The following FAM221A variants were observed in gnomAD, a reference collection of about 807,000 sequenced individuals.
FAM221A encodes protein FAM221A.
In FAM221A, 43 loss-of-function variants were observed where a neutral mutation model predicts 37.6. That is an observed-to-expected ratio of 1.15 (90% confidence interval 0.90 to 1.48). The LOEUF is 1.48. Among genes scored for constraint, FAM221A ranks in the 40% most tolerant of loss-of-function variants. The probability of loss-of-function intolerance (pLI) is 0.00; values close to 1 mark genes in which losing one functional copy is unlikely to be tolerated. For missense variants in FAM221A, 361 were observed against 361.5 expected (o/e 1.00, Z 0.01); for synonymous variants, 135 against 132.9 (o/e 1.02, Z -0.11).
At chr7:23,682,371 A>ATGTGTG (rs10533703) in intron 1 of FAM221A, among the ~76,000 whole-genome samples, 80 of 138,126 alleles carry the variant, frequency 5.8e-4, no homozygotes, top group African/African-American at 2.2e-3. Context: ...TGGCTTTATC[A>ATGTGTG]TGTGTGTGTG....
Position 23,702,301 on chromosome 7 carries a change from A to C in FAM221A, c.*137A>C. The C allele has an allele frequency of 2.1e-6, 1 of 479,486 alleles. No individual in the cohort carries two copies. Among genetic ancestry groups the C allele is most frequent in the Admixed American group, 4.2e-5 (1 of 23,808 alleles). 29.7% of individuals were successfully genotyped at this position (479,486 alleles called of 1,614,324 possible). The stretch of plus-strand genomic sequence containing the variant: ...AAATGTCTTTTGGGATGTTTCCTTA[A>C]TTTATTTAAATAACTAAAAATGCCT... On this transcript the variant is annotated 3_prime_UTR_variant, in exon 7 of 7. Coordinates refer to ENST00000344962, the MANE Select transcript of FAM221A (RefSeq NM_199136.5).
chr7:23,681,787 A>C (rs1286385033), intron 1 of FAM221A, among the ~76,000 whole-genome samples: 2 of 152,208 alleles, frequency 1.3e-5, no homozygotes, highest in Non-Finnish European at 2.9e-5. Flanking sequence ...CTGACGTCAG[A>C]ATTTTAGAAA....
chr7:23,684,578 C>T lies in FAM221A; in HGVS notation c.145C>T (p.Arg49Cys), dbSNP rs139023569. The T allele has an allele frequency of 9.1e-5, 147 of 1,613,868 alleles. No individual in the cohort carries two copies. Among genetic ancestry groups the T allele is most frequent in the Middle Eastern group, 1.6e-4 (1 of 6,084 alleles). ...EEYKRKVLPL[R>C]LQNRLFVSWR... Reference sequence around the variant, plus strand: ...ATACAAAAGAAAAGTTTTACCTCTGCGCTTACAAAACAGATTATTTGTGAG... The same window carrying T: ...ATACAAAAGAAAAGTTTTACCTCTGTGCTTACAAAACAGATTATTTGTGAG... Residue 49 changes from arginine (R) to cysteine (C), a missense_variant, in exon 2 of 7, where the codon CGC (arginine) becomes TGC (cysteine). Physicochemically the swap from Arg to Cys is radical, Grantham distance 180. Transcript: ENST00000344962.
intron 4 of FAM221A, chr7:23,692,731 C>T: frequency 1.0e-6 from 1 of 982,096 alleles, no homozygotes; most frequent in South Asian, 4.7e-5. Flanking sequence ...CCCTTGAATA[C>T]TTCTCTTTGT....
At chr7:23,698,129 G>T in intron 4 of FAM221A, 63 bp from the exon 5 acceptor site, 1 of 876,516 alleles carries the variant, frequency 1.1e-6, no homozygotes, top group Non-Finnish European at 1.9e-6. Context: ...TACATTAGAA[G>T]TAATAACTTG....
At chr7:23,690,199 A>ATATATATATTTTT (rs774313037) in intron 3 of FAM221A, among the ~76,000 whole-genome samples, 115 of 48,720 alleles carry the variant, frequency 2.4e-3, no homozygotes, top group Non-Finnish European at 3.5e-3. Context: ...ATATATATAT[A>ATATATATATTTTT]TTTTTTTTTT....
Position 23,689,475 on chromosome 7 carries a change from A to G in FAM221A, c.430+16A>G. On this transcript the variant is annotated intron_variant, in intron 3 of 6. Coordinates refer to ENST00000344962, the MANE Select transcript of FAM221A (RefSeq NM_199136.5). ...TGCAATACATGTGAGTTATATTATT[A>G]TAAACACATAAACTCAGAATGTTTA... The G allele has an allele frequency of 1.3e-6, 2 of 1,497,594 alleles. No individual in the cohort carries two copies. 92.8% of individuals were successfully genotyped at this position (1,497,594 alleles called of 1,614,324 possible). A position where few individuals can be genotyped will look rare whatever the true frequency, so the allele number is the denominator to read the frequency against.
chr7:23,694,095 TA>T (rs1205678245), intron 4 of FAM221A: 1 of 152,204 alleles, frequency 6.6e-6, no homozygotes, highest in Non-Finnish European at 1.5e-5. Flanking sequence ...ATGCAGTGTT[TA>T]GTTTTCTGTT....
chr7:23,690,201 T>TATATATATA (rs1562522045), intron 3 of FAM221A, among the ~76,000 whole-genome samples: 11 of 38,504 alleles, frequency 2.9e-4, no homozygotes, highest in South Asian at 1.7e-3. Flanking sequence ...ATATATATAT[T>TATATATATA]TTTTTTTTTT....
intron 4 of FAM221A, among the ~76,000 whole-genome samples, chr7:23,697,402 T>G (rs912531340): frequency 6.6e-6 from 1 of 152,244 alleles, no homozygotes; most frequent in Admixed American, 6.5e-5. Context: ...TTCCTTCCTT[T>G]TGGTCCAAAA....
chr7:23,700,807 CTTCA>C lies in FAM221A; in HGVS notation c.770_773del (p.Ser257Ter). On this transcript the variant is annotated frameshift_variant, in exon 6 of 7. Coordinates refer to ENST00000344962, the MANE Select transcript of FAM221A (RefSeq NM_199136.5). LOFTEE classifies it high-confidence loss of function. ...TTAGTAGGTACAAGTAGTCAAGTTT[CTTCA>C]TTAAGGAGACCTGAAGAGGATGATA... The C allele has an allele frequency of 6.2e-7, 1 of 1,604,718 alleles. No individual in the cohort carries two copies. The highest frequency in any genetic ancestry group is 1.3e-5 in the African/African-American group (1 of 74,640).
intron 2 of FAM221A, chr7:23,687,654 T>C (rs1784447256): frequency 6.7e-6 from 1 of 150,192 alleles, no homozygotes; most frequent in African/African-American, 2.4e-5. Flanking sequence ...TTTTTTTTTT[T>C]TTTTTTTTGA....
intron 1 of FAM221A, among the ~76,000 whole-genome samples, chr7:23,682,436 A>ATTT (rs1255822217): frequency 5.3e-5 from 4 of 75,616 alleles, no homozygotes; most frequent in South Asian, 5.8e-4. Flanking sequence ...TATTATTATT[A>ATTT]TTATTTTTTT....
intron 4 of FAM221A, chr7:23,692,386 G>C (rs1784804170): frequency 6.5e-6 from 2 of 308,566 alleles, no homozygotes; most frequent in African/African-American, 2.3e-5. Context: ...TTCTTGCCCA[G>C]GCTGGAGTGC....
chr7:23,698,434 C>A (rs1193007907), intron 5 of FAM221A, 135 bp downstream of exon 5: 2 of 620,648 alleles, frequency 3.2e-6, no homozygotes, highest in South Asian at 1.9e-5. Context: ...ATTTTACTTT[C>A]TTTTATGTAA....
chr7:23,699,115 A>ATTTT (rs1185698578), intron 5 of FAM221A, among the ~76,000 whole-genome samples: 1 of 133,274 alleles, frequency 7.5e-6, no homozygotes, highest in South Asian at 2.4e-4. Context: ...CAATGCTGGA[A>ATTTT]TTTTTTTTTT....
At chr7:23,699,709 A>G (rs1199843036) in intron 5 of FAM221A, among the ~76,000 whole-genome samples, 1 of 151,260 alleles carries the variant, frequency 6.6e-6, no homozygotes, top group Non-Finnish European at 1.5e-5. Flanking sequence ...GTCCAGCTAA[A>G]TTTTGAATTT....
intron 6 of FAM221A, 64 bp from the exon 7 acceptor site, chr7:23,702,032 G>C: frequency 1.7e-6 from 2 of 1,147,432 alleles, no homozygotes; most frequent in Non-Finnish European, 2.4e-6. Flanking sequence ...TGAGTTTTCT[G>C]CAAGTTTTTT....
intron 1 of FAM221A, among the ~76,000 whole-genome samples, chr7:23,681,458 T>G (rs547179636): frequency 7.9e-4 from 120 of 152,360 alleles, no homozygotes; most frequent in African/African-American, 2.7e-3. Context: ...GTCTGACTCT[T>G]TCCCAGGCTG....
Sources: allele counts gnomAD v4.1 joint callset (sites outside exome capture counted in the v4.1 genomes callset), GRCh38; gene constraint gnomAD v4.1.1; transcripts MANE v1.5; gene names NCBI Gene and HGNC (gene_info 2026-07-23, HGNC 2026-07-21).